Variants in XYLT1 observed in about 807,000 individuals in gnomAD.
The protein encoded by XYLT1 is xylosyltransferase 1.
Under a neutral mutation model 91.3 loss-of-function variants are expected in XYLT1, and 36 were observed. That is an observed-to-expected ratio of 0.39 (90% confidence interval 0.30 to 0.52). The LOEUF (loss-of-function observed/expected upper bound fraction) is 0.52, where lower values mean the gene tolerates loss of function less well. Ranked by LOEUF, XYLT1 falls within the 20% of genes least tolerant of loss-of-function variation. The pLI is 0.68. For synonymous variants in XYLT1, 588 were observed against 532.0 expected (o/e 1.11, Z -1.45); for missense variants, 1,242 against 1,284.5 (o/e 0.97, Z 0.51).
At chr16:17,460,870 C>T (rs1454641290) in intron 1 of XYLT1, among the ~76,000 whole-genome samples, 1 of 152,222 alleles carries the variant, frequency 6.6e-6, no homozygotes, top group African/African-American at 2.4e-5. Flanking sequence ...TGAAAGTCCT[C>T]CTGGCTCTAG....
chr16:17,348,125 G>A (rs2035170483), intron 2 of XYLT1, among the ~76,000 whole-genome samples: 1 of 152,158 alleles, frequency 6.6e-6, no homozygotes, highest in African/African-American at 2.4e-5. Flanking sequence ...AGAGAAGAAA[G>A]GAGAGGGGTG....
intron 11 of XYLT1, among the ~76,000 whole-genome samples, chr16:17,115,691 G>C (rs117947036): frequency 0.048 from 7,268 of 149,896 alleles, 240 homozygotes; most frequent in East Asian, 0.15. Context: ...TGGCCAGGCT[G>C]GTCAGGCTGG....
At chr16:17,130,676 C>T (rs2030435377) in intron 9 of XYLT1, among the ~76,000 whole-genome samples, 1 of 152,088 alleles carries the variant, frequency 6.6e-6, no homozygotes, top group Non-Finnish European at 1.5e-5. Context: ...CTGCCAGAAT[C>T]CCGGTCAAAG....
intron 2 of XYLT1, among the ~76,000 whole-genome samples, chr16:17,297,955 A>G (rs1360864942): frequency 4.0e-5 from 6 of 151,324 alleles, no homozygotes; most frequent in African/African-American, 1.5e-4. Context: ...CGGGAGGTGG[A>G]GCTTGCAGTG....
intron 2 of XYLT1, among the ~76,000 whole-genome samples, chr16:17,326,840 C>CA (rs1179047580): frequency 1.7e-4 from 25 of 150,116 alleles, no homozygotes; most frequent in East Asian, 5.9e-4. Flanking sequence ...CAAAAAAAAA[C>CA]AAAAAAAACA....
chr16:17,108,782 C>A lies in XYLT1; in HGVS notation c.2793G>T (p.Gln931His), dbSNP rs1267537935. The A allele has an allele frequency of 5.0e-6, 8 of 1,610,854 alleles. No individual in the cohort carries two copies. The highest frequency in any genetic ancestry group is 6.8e-6 in the Non-Finnish European group (8 of 1,179,810). Residue 931 changes from glutamine (Q) to histidine (H), a missense_variant, in exon 12 of 12, where the codon CAG (glutamine) becomes CAT (histidine). This residue lies in a region of XYLT1 where 511 missense variants were observed against 497.0 expected (regional missense o/e 1.03). Transcript: ENST00000261381. ...AGCTCCAGGCCGTCTGGCTGCAGGT[C>A]TGCATGACCGGGCAGGCTGTGGGGC... ...ATGPTACPVM[Q>H]TCSQTAWSSF...
At chr16:17,360,864 T>G (rs2035372640) in intron 1 of XYLT1, among the ~76,000 whole-genome samples, 3 of 152,336 alleles carry the variant, frequency 2.0e-5, no homozygotes, top group Admixed American at 6.5e-5. Flanking sequence ...GAATTTGCAA[T>G]GTGCGTGCAC....
At chr16:17,289,741 A>C (rs950486113) in intron 2 of XYLT1, among the ~76,000 whole-genome samples, 2 of 152,208 alleles carry the variant, frequency 1.3e-5, no homozygotes, top group Non-Finnish European at 2.9e-5. Flanking sequence ...GGCTCCAAAA[A>C]AAAGTTTGCA....
At chr16:17,243,762 G>C (rs2033386932) in intron 3 of XYLT1, among the ~76,000 whole-genome samples, 1 of 152,154 alleles carries the variant, frequency 6.6e-6, no homozygotes, top group South Asian at 2.1e-4. Flanking sequence ...GGGGAGAGGG[G>C]TCTTCAGGAC....
At chr16:17,164,037 T>TGAAAAAA (rs2031615701) in intron 5 of XYLT1, among the ~76,000 whole-genome samples, 1 of 4,538 alleles carries the variant, frequency 2.2e-4, no homozygotes, top group African/African-American at 3.4e-4. Context: ...AAACTCTGTC[T>TGAAAAAA]CAAAAAAAAA....
rs776084429 is a variant in XYLT1 at position 17,103,592 on chromosome 16, C to G, written c.*5103G>C. On this transcript the variant is annotated 3_prime_UTR_variant, in exon 12 of 12. Coordinates refer to ENST00000261381, the MANE Select transcript of XYLT1 (RefSeq NM_022166.4). Reference sequence around the variant, plus strand: ...AGGCCACATTTCAAAAAGGAGAAACCTAAGGCTTTTGTTTTGTTTTGTTTT... The same window carrying G: ...AGGCCACATTTCAAAAAGGAGAAACGTAAGGCTTTTGTTTTGTTTTGTTTT... 6.6e-6 allele frequency: 1 copy of G among 152,158 alleles called. No homozygotes were observed. The highest frequency in any genetic ancestry group is 1.9e-4 in the East Asian group (1 of 5,186). 9.4% of individuals were successfully genotyped at this position (152,158 alleles called of 1,614,324 possible).
chr16:17,345,744 C>T (rs538574477), intron 2 of XYLT1, among the ~76,000 whole-genome samples: 2 of 152,212 alleles, frequency 1.3e-5, no homozygotes, highest in Admixed American at 6.5e-5. Flanking sequence ...GCTTAATGCA[C>T]GTTAACCCAT....
In XYLT1 at chr16:17,266,582, C is replaced by A. The variant is rs573486327; in HGVS notation, c.403-7084G>T. Among the ~76,000 whole-genome samples the A allele has an allele frequency of 5.2e-3, 791 of 152,292 alleles. 2 individuals are homozygous for A. The highest frequency in any genetic ancestry group is 0.01 in the Middle Eastern group (3 of 294). ...CTGGAGGTCATGCCTTTCAATACCC[C>A]ACTGCCTCTCCGCAGCTATTAGGAA... On this transcript the variant is annotated intron_variant, in intron 2 of 11. Coordinates refer to ENST00000261381, the MANE Select transcript of XYLT1 (RefSeq NM_022166.4).
chr16:17,313,940 A>G (rs893936902), intron 2 of XYLT1, among the ~76,000 whole-genome samples: 1 of 152,218 alleles, frequency 6.6e-6, no homozygotes, highest in Non-Finnish European at 1.5e-5. Context: ...TTCAAAATGC[A>G]GTTGCCTCAG....
At chr16:17,337,577 C>A (rs568338154) in intron 2 of XYLT1, among the ~76,000 whole-genome samples, 19 of 152,196 alleles carry the variant, frequency 1.2e-4, no homozygotes, top group African/African-American at 3.9e-4. Context: ...GGGAAGCCTA[C>A]CTTGGTTACC....
intron 2 of XYLT1, among the ~76,000 whole-genome samples, chr16:17,336,934 C>T (rs1409686255): frequency 2.6e-5 from 4 of 152,132 alleles, no homozygotes; most frequent in South Asian, 2.1e-4. Flanking sequence ...TTTTAAAAGC[C>T]CTTGGAAAAG....
intron 9 of XYLT1, among the ~76,000 whole-genome samples, chr16:17,130,301 G>C (rs1400348945): frequency 6.6e-6 from 1 of 152,216 alleles, no homozygotes; most frequent in African/African-American, 2.4e-5. Context: ...ACTGATTTGG[G>C]AGTTGTTTGT....
intron 9 of XYLT1, among the ~76,000 whole-genome samples, chr16:17,130,435 C>T (rs1411320906): frequency 6.7e-6 from 1 of 149,094 alleles, no homozygotes; most frequent in Non-Finnish European, 1.5e-5. Flanking sequence ...AGCAGCAGTC[C>T]AAAAAATTTA....
chr16:17,323,860 C>A (rs2034761760), intron 2 of XYLT1, among the ~76,000 whole-genome samples: 1 of 152,206 alleles, frequency 6.6e-6, no homozygotes, highest in Non-Finnish European at 1.5e-5. Flanking sequence ...ATGGCAGAGA[C>A]ACAGAAAGTT....
Sources: gnomAD v4.1 joint callset for allele counts (sites outside exome capture counted in the v4.1 genomes callset) on GRCh38, gnomAD v4.1.1 for gene constraint, gnomAD v4.1.1 regional missense constraint, MANE v1.5 for transcripts, NCBI Gene and HGNC (gene_info 2026-07-23, HGNC 2026-07-21) for gene names.